Variants in SEC23IP observed in about 807,000 individuals in gnomAD.
SEC23IP encodes SEC23-interacting protein.
A neutral mutation model predicts 113.4 loss-of-function variants in SEC23IP; 70 were observed. The ratio of observed to expected loss-of-function variants is 0.62; its 90% CI spans 0.51 to 0.75. SEC23IP has a LOEUF of 0.75. Among genes scored for constraint, SEC23IP ranks in the 30% least tolerant of loss-of-function variants. The pLI, the probability that SEC23IP is intolerant of heterozygous loss-of-function variation, is 0.00. For missense variants in SEC23IP, 1,160 were observed against 1,204.9 expected (o/e 0.96, Z 0.55); for synonymous variants, 398 against 421.0 (o/e 0.95, Z 0.67).
At chr10:119,907,310 C>G (rs554053686) in intron 4 of SEC23IP, among the ~76,000 whole-genome samples, 2 of 151,450 alleles carry the variant, frequency 1.3e-5, no homozygotes, top group Non-Finnish European at 2.9e-5. Context: ...AAAAAAAGTA[C>G]GGAAGACTGA....
intron 1 of SEC23IP, among the ~76,000 whole-genome samples, chr10:119,896,202 GCT>G (rs1188241403): frequency 1.3e-5 from 2 of 152,182 alleles, no homozygotes; most frequent in African/African-American, 4.8e-5. Context: ...CAGAGTGTCA[GCT>G]CTGTCTGTCA....
chr10:119,922,079 G>A (rs1855267942), intron 12 of SEC23IP, among the ~76,000 whole-genome samples: 1 of 152,104 alleles, frequency 6.6e-6, no homozygotes, highest in African/African-American at 2.4e-5. Context: ...TAGTTGCGGG[G>A]AGCACGTTGA....
chr10:119,900,944 ATT>A (rs67750343), intron 2 of SEC23IP, among the ~76,000 whole-genome samples: 2 of 136,020 alleles, frequency 1.5e-5, no homozygotes, highest in Non-Finnish European at 3.2e-5. Flanking sequence ...TCTATAATCT[ATT>A]TTTTTTTTGT....
chr10:119,914,480 C>G (rs554382894), intron 6 of SEC23IP: 40 of 460,038 alleles, frequency 8.7e-5, no homozygotes, highest in East Asian at 7.1e-4. Context: ...TGCTGCTCAT[C>G]ATGTGCTATT....
chr10:119,914,999 T>G (rs1037325086), intron 7 of SEC23IP, among the ~76,000 whole-genome samples, 180 bp downstream of exon 7: 1 of 152,240 alleles, frequency 6.6e-6, no homozygotes, highest in Non-Finnish European at 1.5e-5. Flanking sequence ...GTGACATATG[T>G]GACGCATACA....
chr10:119,893,056 TTG>T, intron 1 of SEC23IP, 111 bp downstream of exon 1: 3 of 1,245,172 alleles, frequency 2.4e-6, no homozygotes, highest in Non-Finnish European at 2.2e-6. Flanking sequence ...TCTGGATAGC[TTG>T]CCAGGATCAT....
chr10:119,906,284 A>C (rs1214954715), intron 4 of SEC23IP, among the ~76,000 whole-genome samples: 2 of 12,414 alleles, frequency 1.6e-4, no homozygotes, highest in Non-Finnish European at 2.8e-4. Flanking sequence ...CTTGTCTCAG[A>C]AAAAAAAAAA....
At position 119,941,270 on chromosome 10, in the gene SEC23IP, A is replaced by G. The variant is rs1855956373; in HGVS notation, c.*705A>G. 6.6e-6 allele frequency: 1 copy of G among 152,204 alleles called. No individual in the cohort carries two copies. The highest frequency in any genetic ancestry group is 2.4e-5 in the African/African-American group (1 of 41,450). The allele number at this position is 152,204 out of a possible 1,614,324, so 9.4% of individuals were successfully genotyped here. On this transcript the variant is annotated 3_prime_UTR_variant, in exon 19 of 19. Transcript: ENST00000369075. ...CTAGCACGTCCATTTCCAGGAGGAGAAGCAAGCAGATGAGAGGTTTTCCAT... is the reference window on the plus strand; with the variant it reads ...CTAGCACGTCCATTTCCAGGAGGAGGAGCAAGCAGATGAGAGGTTTTCCAT...
At chr10:119,901,807 C>G (rs1854507829) in intron 2 of SEC23IP, among the ~76,000 whole-genome samples, 1 of 152,170 alleles carries the variant, frequency 6.6e-6, no homozygotes, top group Non-Finnish European at 1.5e-5. Flanking sequence ...CTGCCTCAGC[C>G]TCCCAAGTAG....
chr10:119,930,183 A>G lies in SEC23IP; in HGVS notation c.2470-146A>G, dbSNP rs1210472775. 1.0e-5 allele frequency: 5 copies of G among 490,656 alleles called. No individual in the cohort carries two copies. The East Asian group carries it at 1.3e-4, about 13-fold the overall frequency. The allele number at this position is 490,656 out of a possible 1,614,324, so 30.4% of individuals were successfully genotyped here. A position where few individuals can be genotyped will look rare whatever the true frequency, so the allele number is the denominator to read the frequency against. ...TACACACAAACTAGAAAATCTTTTCATAATTGTCAGTATTTGAATAAGGTG... is the reference window on the plus strand; with the variant it reads ...TACACACAAACTAGAAAATCTTTTCGTAATTGTCAGTATTTGAATAAGGTG... On this transcript the variant is annotated intron_variant, in intron 14 of 18. Coordinates refer to ENST00000369075, the MANE Select transcript of SEC23IP (RefSeq NM_007190.4).
rs536048179 is a variant in SEC23IP, at chr10:119,919,016, G to A, written c.1873-428G>A. 1.3e-4 allele frequency among the ~76,000 whole-genome samples: 18 copies of A among 142,720 alleles called. No homozygotes were observed. The South Asian group carries it at 1.7e-3, about 14-fold the overall frequency. 93.6% of individuals were successfully genotyped at this position (142,720 alleles called of 152,430 possible). ...TTCAATTTTTTTTTTTTTTTGAGGC[G>A]GAGTTTCACTTTTGTCACCCAGGTT... On this transcript the variant is annotated intron_variant, in intron 10 of 18. Transcript: ENST00000369075.
intron 4 of SEC23IP, 42 bp from the exon 5 acceptor site, chr10:119,908,999 A>G (rs1854769862): frequency 7.5e-7 from 1 of 1,340,016 alleles, no homozygotes; most frequent in Non-Finnish European, 1.1e-6. Context: ...CATGTGGTAT[A>G]AATTTGTCAT....
At chr10:119,920,740 A>T (rs1855227823) in intron 11 of SEC23IP, 149 bp from the exon 12 acceptor site, 3 of 523,978 alleles carry the variant, frequency 5.7e-6, no homozygotes, top group Non-Finnish European at 1.0e-5. Context: ...AAACTGATGC[A>T]TGATTTAAAT....
chr10:119,920,170 C>T (rs1855203619), intron 11 of SEC23IP, among the ~76,000 whole-genome samples: 1 of 152,048 alleles, frequency 6.6e-6, no homozygotes, highest in African/African-American at 2.4e-5. Flanking sequence ...TAAAATATTA[C>T]AAACTCTTTG....
chr10:119,940,718 G>A lies in SEC23IP; in HGVS notation c.*153G>A, dbSNP rs181101271. ...TAACAATTGCTCAGCCACAATTCTCGGATATAGGGATTCAAAAGACAGGAC... is the reference window on the plus strand; with the variant it reads ...TAACAATTGCTCAGCCACAATTCTCAGATATAGGGATTCAAAAGACAGGAC... On this transcript the variant is annotated 3_prime_UTR_variant, in exon 19 of 19. Transcript: ENST00000369075. 15 of 151,932 alleles carry A rather than the reference G, an allele frequency of 9.9e-5. No individual in the cohort carries two copies. Among genetic ancestry groups the A allele is most frequent in the African/African-American group, 3.4e-4 (14 of 41,340 alleles). 9.4% of individuals were successfully genotyped at this position (151,932 alleles called of 1,614,324 possible).
chr10:119,929,565 C>T (rs758085611), intron 13 of SEC23IP, 42 bp from the exon 14 acceptor site: 10 of 1,555,942 alleles, frequency 6.4e-6, no homozygotes, highest in Non-Finnish European at 8.9e-6. Context: ...TACTAGGTGA[C>T]ATTGGAACAA....
intron 17 of SEC23IP, 110 bp from the exon 18 acceptor site, chr10:119,933,576 C>A: frequency 3.1e-6 from 2 of 646,236 alleles, no homozygotes; most frequent in Non-Finnish European, 2.8e-6. Context: ...CTATCATTTG[C>A]CCTTCTTAGA....
chr10:119,939,273 C>T (rs1855889531), intron 18 of SEC23IP, among the ~76,000 whole-genome samples: 1 of 152,002 alleles, frequency 6.6e-6, no homozygotes, highest in South Asian at 2.1e-4. Flanking sequence ...GAGCTGTGAT[C>T]GTACCACTGC....
At position 119,930,781 on chromosome 10, in the gene SEC23IP, T is replaced by G. The variant is rs114999144; in HGVS notation, c.2572+350T>G. 1.6e-3 allele frequency among the ~76,000 whole-genome samples: 246 copies of G among 152,366 alleles called. 1 individual carries two copies. Among genetic ancestry groups the G allele is most frequent in the African/African-American group, 5.7e-3 (236 of 41,590 alleles). ...GACCATCAAGAAATAAACTTGATGT[T>G]GTCGAAGTGAGCTGTTATTTTCTTG... On this transcript the variant is annotated intron_variant, in intron 15 of 18. Coordinates refer to ENST00000369075, the MANE Select transcript of SEC23IP (RefSeq NM_007190.4).
Sources: allele counts gnomAD v4.1 joint callset (sites outside exome capture counted in the v4.1 genomes callset), GRCh38; gene constraint gnomAD v4.1.1; transcripts MANE v1.5; gene names NCBI Gene and HGNC (gene_info 2026-07-23, HGNC 2026-07-21).